FUT8: variants seen among roughly 807,000 people sequenced by gnomAD.
FUT8 encodes fucosyltransferase 8, also known as alpha-(1,6)-fucosyltransferase.
FUT8 carries 29 observed loss-of-function variants against 71.3 expected under a neutral mutation model. The ratio of observed to expected loss-of-function variants is 0.41; its 90% confidence interval spans 0.30 to 0.55. The LOEUF (loss-of-function observed/expected upper bound fraction) is 0.55. FUT8 is among the 20% of genes least tolerant of loss of function. The pLI is 0.34. For missense variants in FUT8, 544 were observed against 702.1 expected, an observed-to-expected ratio of 0.77 and a Z score of 2.55; for synonymous variants, 254 against 239.3, an observed-to-expected ratio of 1.06 and a Z score of -0.57.
Position 65,554,877 on chromosome 14 carries a change from G to A in FUT8, c.-227-6460G>A, listed in dbSNP as rs1455453121. 2.6e-5 allele frequency among the ~76,000 whole-genome samples: 4 copies of A among 152,064 alleles called. 1 individual carries two copies. In the South Asian group the frequency reaches 6.2e-4, roughly 24 times the overall value. ...TAAAATGCACCTTCTAGTTTTGATT[G>A]TCTGTATTTTCTTATCTTTCTTTGA... is the stretch of plus-strand genomic sequence containing the variant. On this transcript the variant is annotated intron_variant, in intron 2 of 10. Transcript: ENST00000673929.
At chr14:65,383,516 T>G in the FUT8 span, among the ~76,000 whole-genome samples, 2 of 152,124 alleles carry the variant, frequency 1.3e-5, no homozygotes, top group African/African-American at 4.8e-5. Flanking sequence ...GTGATCCGCC[T>G]GCCTTGGCCT....
intron 1 of FUT8, among the ~76,000 whole-genome samples, chr14:65,429,141 A>C (rs915675534): frequency 6.6e-6 from 1 of 152,232 alleles, no homozygotes; most frequent in Non-Finnish European, 1.5e-5. Context: ...GTTCATTTTC[A>C]GTATAGTATA....
At chr14:65,438,935 G>C (rs777569963) in intron 1 of FUT8, among the ~76,000 whole-genome samples, 5 of 152,198 alleles carry the variant, frequency 3.3e-5, no homozygotes, top group Non-Finnish European at 7.3e-5. Flanking sequence ...ATGAAGGAAT[G>C]TGTAAGCACA....
intron 2 of FUT8, among the ~76,000 whole-genome samples, chr14:65,481,001 T>C (rs2066322462): frequency 6.6e-6 from 1 of 152,168 alleles, no homozygotes; most frequent in Non-Finnish European, 1.5e-5. Flanking sequence ...TTTAATTCTT[T>C]TTTCAATTTT....
At chr14:65,417,842 A>G (rs918265731) in intron 1 of FUT8, among the ~76,000 whole-genome samples, 6 of 152,218 alleles carry the variant, frequency 3.9e-5, no homozygotes, top group African/African-American at 1.4e-4. Flanking sequence ...AATAAAAGAA[A>G]AACTTTTAAA....
intron 3 of FUT8, among the ~76,000 whole-genome samples, chr14:65,592,871 T>C (rs1323082836): frequency 6.6e-6 from 1 of 152,214 alleles, no homozygotes; most frequent in Non-Finnish European, 1.5e-5. Context: ...AGTCATTCTT[T>C]AATGCATCTT....
chr14:65,495,184 TAAA>T (rs34401031), intron 2 of FUT8, among the ~76,000 whole-genome samples: 3 of 144,552 alleles, frequency 2.1e-5, no homozygotes, highest in Admixed American at 6.9e-5. Context: ...GCTTTTCCCT[TAAA>T]AAAAAAAAAA....
intron 2 of FUT8, among the ~76,000 whole-genome samples, chr14:65,502,476 T>C (rs2066661468): frequency 6.6e-6 from 1 of 152,090 alleles, no homozygotes; most frequent in African/African-American, 2.4e-5. Flanking sequence ...CTGTCCGCCT[T>C]AGGCTCCCAT....
rs999690747 is a variant in FUT8, at chr14:65,489,524, G to A, written c.-228+33806G>A. Among the ~76,000 whole-genome samples, 1 of 152,032 alleles carries A rather than the reference G, an allele frequency of 6.6e-6. No homozygotes were observed. Among genetic ancestry groups the A allele is most frequent in the Non-Finnish European group, 1.5e-5 (1 of 67,984 alleles). ...TTGAGAATGTTTTTATAAATGGACA[G>A]ATCAGTTACTTAAAAAGTTCTATAG... On this transcript the variant is annotated intron_variant, in intron 2 of 10. Transcript: ENST00000673929. This position sits in a 1 kb window ranked among gnomAD's most constrained non-coding sequence, Gnocchi z 4.0.
rs372123173 is a variant in FUT8, at chr14:65,553,182, A to G, written c.-227-8155A>G. 4.3e-4 allele frequency among the ~76,000 whole-genome samples: 65 copies of G among 152,234 alleles called. No individual in the cohort carries two copies. In the East Asian group the frequency reaches 0.013, roughly 29 times the overall value. On this transcript the variant is annotated intron_variant, in intron 2 of 10. Transcript: ENST00000673929. ...CTGGGGAAATAAATTTTTAATTTTA[A>G]TTCTAATTTAAATAGTTGCATGTAG...
chr14:65,616,204 A>G lies in FUT8; in HGVS notation c.320-7A>G, dbSNP rs1453644647. 6.3e-7 allele frequency: 1 copy of G among 1,599,170 alleles called. No individual in the cohort carries two copies. Among genetic ancestry groups the G allele is most frequent in the African/African-American group, 1.4e-5 (1 of 73,946 alleles). On this transcript the variant is annotated splice_region_variant and splice_polypyrimidine_tract_variant and intron_variant, in intron 4 of 10. Transcript: ENST00000673929. ...AAATGCTACAACTCTCTATTCTTTG[A>G]CTACAGGTCTGGGGAAGGATCATGA...
the FUT8 span, among the ~76,000 whole-genome samples, chr14:65,378,398 T>A: frequency 2.0e-5 from 3 of 152,196 alleles, no homozygotes; most frequent in Non-Finnish European, 4.4e-5. Flanking sequence ...ATTGCTGATC[T>A]TGTCGTTATT....
intron 6 of FUT8, among the ~76,000 whole-genome samples, chr14:65,654,293 A>G (rs747973984): frequency 6.6e-4 from 100 of 152,206 alleles, no homozygotes; most frequent in Non-Finnish European, 1.2e-3. Context: ...ATTAACTACT[A>G]AAAATGCTCT....
In FUT8 at chr14:65,550,369, T is replaced by G. The variant is rs1446343482; in HGVS notation, c.-227-10968T>G. Among the ~76,000 whole-genome samples, 3 of 152,212 alleles carry G rather than the reference T, an allele frequency of 2.0e-5. No individual in the cohort carries two copies. The highest frequency in any genetic ancestry group is 7.2e-5 in the African/African-American group (3 of 41,464). On this transcript the variant is annotated intron_variant, in intron 2 of 10. Coordinates refer to ENST00000673929, the MANE Select transcript of FUT8 (RefSeq NM_001371533.1). The surrounding 1 kb of genome is among the most constrained non-coding windows in gnomAD (Gnocchi z 4.5). ...ACATCATAGCTTAGCCTACCTTAAATGTGCCCAGAACACTTATATTAGCCT... is the reference window on the plus strand; with the variant it reads ...ACATCATAGCTTAGCCTACCTTAAAGGTGCCCAGAACACTTATATTAGCCT...
chr14:65,728,044 C>CCATA (rs1383866856), intron 9 of FUT8, among the ~76,000 whole-genome samples: 1 of 152,196 alleles, frequency 6.6e-6, no homozygotes, highest in Non-Finnish European at 1.5e-5. Flanking sequence ...CCACCTCAGC[C>CCATA]CATACTTTAT....
At chr14:65,616,638 C>T (rs1449550478) in intron 5 of FUT8, among the ~76,000 whole-genome samples, 1 of 152,076 alleles carries the variant, frequency 6.6e-6, no homozygotes, top group Non-Finnish European at 1.5e-5. Flanking sequence ...GTGGTGCCAG[C>T]CAACAATACA....
Position 65,690,492 on chromosome 14 carries a change from T to A in FUT8, c.835+21012T>A, listed in dbSNP as rs75404813. ...TTGAGAAAAATTGACATTGACAATATTGAGTCTTCTATCCATGAACCTGGA... is the reference window on the plus strand; with the variant it reads ...TTGAGAAAAATTGACATTGACAATAATGAGTCTTCTATCCATGAACCTGGA... On this transcript the variant is annotated intron_variant, in intron 7 of 10. Coordinates refer to ENST00000673929, the MANE Select transcript of FUT8 (RefSeq NM_001371533.1). Among the ~76,000 whole-genome samples the A allele has an allele frequency of 4.6e-3, 699 of 152,324 alleles. 6 individuals are homozygous for A. The highest frequency in any genetic ancestry group is 0.016 in the African/African-American group (664 of 41,570).
chr14:65,448,306 A>G (rs527969893), intron 1 of FUT8, among the ~76,000 whole-genome samples: 13 of 152,176 alleles, frequency 8.5e-5, no homozygotes, highest in Non-Finnish European at 1.8e-4. Flanking sequence ...TAGAACCTAT[A>G]GAATGGGGGG....
intron 2 of FUT8, among the ~76,000 whole-genome samples, chr14:65,479,195 G>A (rs1181766083): frequency 6.6e-6 from 1 of 152,152 alleles, no homozygotes; most frequent in African/African-American, 2.4e-5. Context: ...AAAAACTACA[G>A]ATGTCTATGG....
Sources: allele counts gnomAD v4.1 joint callset (sites outside exome capture counted in the v4.1 genomes callset), GRCh38; gene constraint gnomAD v4.1.1; non-coding constraint Gnocchi (gnomAD v3.1); transcripts MANE v1.5; gene names NCBI Gene and HGNC (gene_info 2026-07-23, HGNC 2026-07-21).